HMGCLL1: variants seen among roughly 807,000 people sequenced by gnomAD.
The protein encoded by HMGCLL1 is 3-hydroxymethyl-3-methylglutaryl-CoA lyase, cytoplasmic.
A neutral mutation model predicts 39.1 loss-of-function variants in HMGCLL1; 36 were observed. The observed-to-expected ratio is 0.92, with a 90% confidence interval of 0.71 to 1.22. The LOEUF (loss-of-function observed/expected upper bound fraction) is 1.22. Among genes scored for constraint, HMGCLL1 ranks in the 50% most tolerant of loss-of-function variants. The pLI is 0.00. For missense variants in HMGCLL1, 451 were observed against 416.5 expected (o/e 1.08, Z -0.72); for synonymous variants, 149 against 144.0 (o/e 1.03, Z -0.25).
At chr6:55,531,805 T>C (rs9464263) in intron 3 of HMGCLL1, among the ~76,000 whole-genome samples, 41,301 of 152,086 alleles carry the variant, frequency 0.27, 6,245 homozygotes, top group African/African-American at 0.4. Context: ...ATCTAGGTTG[T>C]TCACTCCTCA....
intron 3 of HMGCLL1, among the ~76,000 whole-genome samples, chr6:55,532,440 A>G (rs975332093): frequency 6.6e-6 from 1 of 152,134 alleles, no homozygotes; most frequent in South Asian, 2.1e-4. Context: ...GAGTAATACC[A>G]AACGATGTTA....
the HMGCLL1 span, among the ~76,000 whole-genome samples, chr6:55,632,264 TAAAG>T: frequency 6.6e-6 from 1 of 151,936 alleles, no homozygotes; most frequent in East Asian, 1.9e-4. Flanking sequence ...TAAAACATAA[TAAAG>T]AAACTTGTAC....
chr6:55,472,196 T>C lies in HMGCLL1; in HGVS notation c.795+23223A>G, dbSNP rs907117295. Among the ~76,000 whole-genome samples, 6 of 151,640 alleles carry C rather than the reference T, an allele frequency of 4.0e-5. No individual in the cohort carries two copies. The South Asian group carries it at 6.2e-4, about 16-fold the overall frequency. ...AATGGAATTGTTGGGTTCTAATGTATGCATGTTTTACAGAGTGGTGGCACC... is the reference window on the plus strand; with the variant it reads ...AATGGAATTGTTGGGTTCTAATGTACGCATGTTTTACAGAGTGGTGGCACC... On this transcript the variant is annotated intron_variant, in intron 7 of 8. Transcript: ENST00000274901.
intron 6 of HMGCLL1, 24 bp from the exon 7 acceptor site, chr6:55,495,631 G>A: frequency 6.5e-7 from 1 of 1,532,162 alleles, no homozygotes; most frequent in Non-Finnish European, 8.8e-7. Flanking sequence ...TGAAGTGCTA[G>A]TAAAATAATG....
chr6:55,483,717 A>C (rs1270145396), intron 7 of HMGCLL1, among the ~76,000 whole-genome samples: 1 of 152,240 alleles, frequency 6.6e-6, no homozygotes, highest in Non-Finnish European at 1.5e-5. Flanking sequence ...TCCCGGTTCT[A>C]CTATTTTTCA....
At chr6:55,542,167 T>A in intron 1 of HMGCLL1, 27 bp from the exon 2 acceptor site, 9 of 1,476,766 alleles carry the variant, frequency 6.1e-6, no homozygotes, top group Non-Finnish European at 8.5e-6. Flanking sequence ...AAGAACAAGA[T>A]AACGTAACTT....
chr6:55,526,002 C>T (rs771015858), intron 3 of HMGCLL1, among the ~76,000 whole-genome samples: 1 of 151,892 alleles, frequency 6.6e-6, no homozygotes, highest in African/African-American at 2.4e-5. Context: ...TTGGATCTGA[C>T]ATCCATGACC....
intron 7 of HMGCLL1, among the ~76,000 whole-genome samples, chr6:55,475,074 T>G (rs544699752): frequency 6.6e-6 from 1 of 151,672 alleles, no homozygotes; most frequent in East Asian, 1.9e-4. Context: ...CCTTCCCAAG[T>G]GTTTCTCCAG....
the HMGCLL1 span, among the ~76,000 whole-genome samples, chr6:55,669,929 A>G: frequency 6.6e-6 from 1 of 152,016 alleles, no homozygotes; most frequent in East Asian, 1.9e-4. Flanking sequence ...GAGGTTTAAA[A>G]ATGTGAAAAA....
At chr6:55,659,512 T>C in the HMGCLL1 span, among the ~76,000 whole-genome samples, 2 of 151,884 alleles carry the variant, frequency 1.3e-5, no homozygotes, top group Non-Finnish European at 2.9e-5. Context: ...AATTGGTTAA[T>C]TGCTAGTTGT....
intron 3 of HMGCLL1, among the ~76,000 whole-genome samples, chr6:55,518,972 T>G (rs558998132): frequency 6.6e-6 from 1 of 152,068 alleles, no homozygotes. Flanking sequence ...GAAAAACCAA[T>G]AGGGTTGGAA....
At chr6:55,584,067 T>G (rs1255932057), upstream of HMGCLL1, among the ~76,000 whole-genome samples, 7 of 152,152 alleles carry the variant, frequency 4.6e-5, no homozygotes, top group African/African-American at 7.2e-5. Context: ...CATTTGGTGC[T>G]TAAGACCTCA....
intron 6 of HMGCLL1, among the ~76,000 whole-genome samples, chr6:55,495,810 A>C (rs1037837867): frequency 6.6e-6 from 1 of 152,156 alleles, no homozygotes; most frequent in African/African-American, 2.4e-5. Context: ...TATTGCAATT[A>C]TCTTTTTCTA....
chr6:55,651,435 T>A, the HMGCLL1 span, among the ~76,000 whole-genome samples: 4 of 152,104 alleles, frequency 2.6e-5, no homozygotes, highest in Non-Finnish European at 4.4e-5. Context: ...CTTATCCTAC[T>A]GTCACTGAGC....
chr6:55,489,619 G>A lies in HMGCLL1; in HGVS notation c.795+5800C>T, dbSNP rs188983154. On this transcript the variant is annotated intron_variant, in intron 7 of 8. Coordinates refer to ENST00000274901, the MANE Select transcript of HMGCLL1 (RefSeq NM_001042406.2). ...AGGTAAAAATTAACCATAATGAGTT[G>A]TACTGATTTTAAACTTGCAATATTA... Among the ~76,000 whole-genome samples, 9 of 152,044 alleles carry A rather than the reference G, an allele frequency of 5.9e-5. No individual in the cohort carries two copies. The East Asian group carries it at 1.7e-3, about 29-fold the overall frequency.
chr6:55,544,360 C>G (rs1769835372), intron 1 of HMGCLL1, among the ~76,000 whole-genome samples: 1 of 152,110 alleles, frequency 6.6e-6, no homozygotes, highest in East Asian at 1.9e-4. Flanking sequence ...GAAGCATACT[C>G]CATCTTTCCA....
chr6:55,668,020 G>T, the HMGCLL1 span, among the ~76,000 whole-genome samples: 1 of 151,806 alleles, frequency 6.6e-6, no homozygotes, highest in African/African-American at 2.4e-5. Flanking sequence ...AGAGCCCAGA[G>T]AATTCACTTC....
chr6:55,502,068 T>A (rs10948928), intron 5 of HMGCLL1, among the ~76,000 whole-genome samples: 1 of 151,594 alleles, frequency 6.6e-6, no homozygotes, highest in African/African-American at 2.4e-5. Flanking sequence ...AGTGAATACA[T>A]AGTAGTTCTT....
intron 1 of HMGCLL1, among the ~76,000 whole-genome samples, chr6:55,549,309 G>T (rs886175093): frequency 7.3e-5 from 11 of 151,192 alleles, no homozygotes; most frequent in Admixed American, 1.3e-4. Flanking sequence ...CTCCCACCTT[G>T]CTGTCAGTCC....
Sources: gnomAD v4.1 joint callset for allele counts (sites outside exome capture counted in the v4.1 genomes callset) on GRCh38, gnomAD v4.1.1 for gene constraint, MANE v1.5 for transcripts, NCBI Gene and HGNC (gene_info 2026-07-23, HGNC 2026-07-21) for gene names.